Variants in SMC3 observed in about 807,000 individuals in gnomAD.
SMC3 encodes the protein structural maintenance of chromosomes protein 3.
A neutral mutation model predicts 171.8 loss-of-function variants in SMC3; 20 were observed. The observed-to-expected ratio is 0.12, with a 90% CI of 0.08 to 0.17. The LOEUF (loss-of-function observed/expected upper bound fraction) is 0.17. Among genes scored for constraint, SMC3 ranks in the 10% least tolerant of loss-of-function variants. SMC3 has a pLI of 1.00. For synonymous variants in SMC3, 464 were observed against 451.1 expected, an observed-to-expected ratio of 1.03 and a Z score of -0.36; for missense variants, 543 against 1,420.4, an observed-to-expected ratio of 0.38 and a Z score of 9.93.
chr10:110,588,149 G>A (rs1437662194), intron 13 of SMC3, among the ~76,000 whole-genome samples: 4 of 152,046 alleles, frequency 2.6e-5, no homozygotes, highest in African/African-American at 9.7e-5. Flanking sequence ...GTGCCATCAC[G>A]CCTGGCTAAT....
At chr10:110,601,530 C>G (rs756303247) in intron 23 of SMC3, 107 bp from the exon 24 acceptor site, 14 of 1,259,064 alleles carry the variant, frequency 1.1e-5, no homozygotes, top group Non-Finnish European at 1.4e-5. Context: ...ATTTTAAACA[C>G]AAAACCTAAA....
intron 21 of SMC3, 135 bp from the exon 22 acceptor site, chr10:110,600,304 C>CT (rs1861366400): frequency 3.1e-6 from 2 of 648,396 alleles, no homozygotes; most frequent in Non-Finnish European, 5.6e-6. Flanking sequence ...AAGTATAGGG[C>CT]TTTTTTGAAG....
chr10:110,584,091 C>T, intron 12 of SMC3, 92 bp from the exon 13 acceptor site: 1 of 1,514,996 alleles, frequency 6.6e-7, no homozygotes, highest in South Asian at 1.1e-5. Flanking sequence ...TGAAAAATGG[C>T]TTTATGTTTC....
chr10:110,573,702 T>C lies in SMC3; in HGVS notation c.92-5T>C. The C allele has an allele frequency of 6.3e-7, 1 of 1,592,648 alleles. No homozygotes were observed. Among genetic ancestry groups the C allele is most frequent in the Non-Finnish European group, 8.6e-7 (1 of 1,162,116 alleles). On this transcript the variant is annotated splice_polypyrimidine_tract_variant and splice_region_variant and intron_variant, in intron 2 of 28. Transcript: ENST00000361804. The stretch of plus-strand genomic sequence containing the variant: ...AAATAACTTGTACTTTTTGAAATTT[T>C]CCAGTGGGCAGAAATGGATCTGGAA...
chr10:110,594,621 G>A (rs1384987221), intron 18 of SMC3, among the ~76,000 whole-genome samples: 1 of 151,988 alleles, frequency 6.6e-6, no homozygotes, highest in African/African-American at 2.4e-5. Context: ...TTGAAATCCA[G>A]GTTAAGAACC....
At chr10:110,591,885 A>AT (rs1052140046) in intron 17 of SMC3, among the ~76,000 whole-genome samples, 1 of 152,176 alleles carries the variant, frequency 6.6e-6, no homozygotes, top group African/African-American at 2.4e-5. Context: ...GGTAAGAAAA[A>AT]TTGAGTCTCA....
chr10:110,576,636 T>A (rs1212607610), intron 4 of SMC3, among the ~76,000 whole-genome samples: 10 of 152,238 alleles, frequency 6.6e-5, no homozygotes, highest in Admixed American at 5.9e-4. Flanking sequence ...TTTGTTTAGC[T>A]CTTGTCTGTC....
chr10:110,571,431 A>G (rs1860870470), intron 2 of SMC3, among the ~76,000 whole-genome samples: 1 of 152,216 alleles, frequency 6.6e-6, no homozygotes, highest in South Asian at 2.1e-4. Context: ...AGAGGAATGG[A>G]TTTGGATTCT....
intron 13 of SMC3, 24 bp from the exon 14 acceptor site, chr10:110,589,581 T>C (rs1861176577): frequency 6.7e-7 from 1 of 1,486,444 alleles, no homozygotes. Context: ...AAATTGAATT[T>C]TAAATTTATT....
In SMC3 at chr10:110,590,590, A is replaced by G. The variant is rs1206923212; in HGVS notation, c.1670+18A>G. The G allele has an allele frequency of 6.2e-7, 1 of 1,612,036 alleles. No individual in the cohort carries two copies. Among genetic ancestry groups the G allele is most frequent in the African/African-American group, 1.3e-5 (1 of 74,902 alleles). ...GGAAACAGGTTAAAGCTTTTGCTTG[A>G]TATTTAGCATTTTTAGAAGAGGGAA... On this transcript the variant is annotated intron_variant, in intron 16 of 28. Transcript: ENST00000361804.
intron 2 of SMC3, among the ~76,000 whole-genome samples, chr10:110,569,636 A>C (rs1860840074): frequency 6.6e-6 from 1 of 152,234 alleles, no homozygotes. Flanking sequence ...CAACGAAAAA[A>C]AAAATCCCAG....
intron 19 of SMC3, 136 bp from the exon 20 acceptor site, chr10:110,598,003 T>TA: frequency 1.3e-6 from 1 of 758,982 alleles, no homozygotes; most frequent in Non-Finnish European, 2.2e-6. Context: ...AGCATTGTTT[T>TA]GGTCCATAAA....
intron 1 of SMC3, 32 bp downstream of exon 1, chr10:110,567,863 G>A: frequency 6.2e-7 from 1 of 1,612,542 alleles, no homozygotes; most frequent in Non-Finnish European, 8.5e-7. Context: ...ACCCCGTCAT[G>A]GGCCGGTAAG....
At chr10:110,593,779 G>T (rs1335978122) in intron 18 of SMC3, among the ~76,000 whole-genome samples, 1 of 151,810 alleles carries the variant, frequency 6.6e-6, no homozygotes, top group Non-Finnish European at 1.5e-5. Context: ...CTTGAGGAGG[G>T]AATTCAAGAC....
chr10:110,574,512 C>T (rs1018240996), intron 3 of SMC3, among the ~76,000 whole-genome samples: 4 of 152,196 alleles, frequency 2.6e-5, no homozygotes, highest in African/African-American at 9.7e-5. Context: ...ATCTGAAAGG[C>T]ACTCTCTAGC....
At position 110,602,103 on chromosome 10, in the gene SMC3, T is replaced by A; in HGVS notation, c.3030T>A (p.Gly1010=). ...AGCGTCAAGAAGAGTTAGATAGGGG[T>A]TACAAATCAATCATGGAACTGATGA... ...LIKRQEELDR[G]YKSIMELMNV... is the part of the protein sequence containing the mutation. The change falls in exon 25 of 29, where the codon GGT becomes GGA. Residue 1010 remains glycine, a synonymous_variant. Coordinates refer to ENST00000361804, the MANE Select transcript of SMC3 (RefSeq NM_005445.4). The A allele has an allele frequency of 6.2e-7, 1 of 1,613,754 alleles. No homozygotes were observed. The highest frequency in any genetic ancestry group is 8.5e-7 in the Non-Finnish European group (1 of 1,179,728).
intron 4 of SMC3, among the ~76,000 whole-genome samples, chr10:110,575,634 AT>A (rs1322760515): frequency 6.6e-6 from 1 of 152,180 alleles, no homozygotes; most frequent in Non-Finnish European, 1.5e-5. Flanking sequence ...TTGCCTATAG[AT>A]GGATATGTCC....
Position 110,582,030 on chromosome 10 carries a change from A to G in SMC3, c.655A>G (p.Met219Val). The change falls in exon 9 of 29, where the codon ATG becomes GTG. Residue 219 changes from methionine (M) to valine (V), a missense_variant. Transcript: ENST00000361804. ...AGCTCAGTATCAGAAGTGGGATAAAATGAGACGAGCCCTGGAATATACCAT... is the reference window on the plus strand; with the variant it reads ...AGCTCAGTATCAGAAGTGGGATAAAGTGAGACGAGCCCTGGAATATACCAT... ...ELAQYQKWDK[M>V]RRALEYTIYN... 6.2e-7 allele frequency: 1 copy of G among 1,613,836 alleles called. No individual in the cohort carries two copies. The highest frequency in any genetic ancestry group is 8.5e-7 in the Non-Finnish European group (1 of 1,179,804).
intron 1 of SMC3, 105 bp downstream of exon 1, chr10:110,567,936 C>A: frequency 7.3e-7 from 1 of 1,377,460 alleles, no homozygotes; most frequent in Non-Finnish European, 1.0e-6. Context: ...TCTCCACAGG[C>A]TGGACCAGGG....
Sources: allele counts gnomAD v4.1 joint callset (sites outside exome capture counted in the v4.1 genomes callset), GRCh38; gene constraint gnomAD v4.1.1; transcripts MANE v1.5; gene names NCBI Gene and HGNC (gene_info 2026-07-23, HGNC 2026-07-21).